The following BOD1L1 variants were observed in gnomAD, a reference collection of about 807,000 sequenced individuals.
BOD1L1 encodes the protein biorientation of chromosomes in cell division 1 like 1.
BOD1L1 carries 86 observed loss-of-function variants against 240.7 expected under a neutral mutation model. The observed-to-expected ratio is 0.36, with a 90% CI of 0.30 to 0.43. BOD1L1 has a LOEUF of 0.43. Ranked by LOEUF, BOD1L1 falls within the 20% of genes least tolerant of loss-of-function variation. The probability of loss-of-function intolerance (pLI) is 1.00; values close to 1 mark genes in which losing one functional copy is unlikely to be tolerated. For missense variants in BOD1L1, 3,554 were observed against 3,643.5 expected, an observed-to-expected ratio of 0.98 and a Z score of 0.63; for synonymous variants, 1,268 against 1,272.3, an observed-to-expected ratio of 1.00 and a Z score of 0.07.
intron 17 of BOD1L1, among the ~76,000 whole-genome samples, chr4:13,584,198 G>A (rs1713460275): frequency 6.6e-6 from 1 of 152,216 alleles, no homozygotes; most frequent in Non-Finnish European, 1.5e-5. Flanking sequence ...CAATTTGGGA[G>A]GGTGTTGATT....
At chr4:13,583,985 C>A (rs1192250392) in intron 17 of BOD1L1, among the ~76,000 whole-genome samples, 1 of 152,150 alleles carries the variant, frequency 6.6e-6, no homozygotes, top group Non-Finnish European at 1.5e-5. Context: ...GACAGTACTA[C>A]ATAACTAGGT....
chr4:13,598,484 A>G (rs1374375287), intron 10 of BOD1L1, among the ~76,000 whole-genome samples: 1 of 152,158 alleles, frequency 6.6e-6, no homozygotes, highest in Non-Finnish European at 1.5e-5. Flanking sequence ...TTCCTCTAAA[A>G]GTCACCCGAG....
In BOD1L1 at chr4:13,597,423, C is replaced by A. The variant is rs1404490427; in HGVS notation, c.7955-255G>T. On this transcript the variant is annotated intron_variant, in intron 10 of 25. Coordinates refer to ENST00000040738, the MANE Select transcript of BOD1L1 (RefSeq NM_148894.3). ...TAAGATAACTGCCCAGAAAGAATGA[C>A]AAAAGTATTATCTGTGGAGACATCT... 6.6e-6 allele frequency among the ~76,000 whole-genome samples: 1 copy of A among 152,166 alleles called. No homozygotes were observed. The highest frequency in any genetic ancestry group is 2.4e-5 in the African/African-American group (1 of 41,436).
At chr4:13,574,558 T>C (rs908058788) in intron 25 of BOD1L1, among the ~76,000 whole-genome samples, 1 of 152,230 alleles carries the variant, frequency 6.6e-6, no homozygotes. Flanking sequence ...CACTCGAAGA[T>C]GGCTAGAAGG....
At position 13,581,112 on chromosome 4, in the gene BOD1L1, A is replaced by C; in HGVS notation, c.8668+20T>G. ...TCGAAAATTTCTTGTGTGTGAACTG[A>C]AAACACACCAAGTACCTACTCATTT... On this transcript the variant is annotated intron_variant, in intron 20 of 25. Transcript: ENST00000040738. 6 of 1,569,918 alleles carry C rather than the reference A, an allele frequency of 3.8e-6. No homozygotes were observed. The highest frequency in any genetic ancestry group is 5.2e-6 in the Non-Finnish European group (6 of 1,155,852).
chr4:13,599,354 C>G lies in BOD1L1; in HGVS notation c.7546G>C (p.Ala2516Pro). The G allele has an allele frequency of 1.2e-6, 2 of 1,613,928 alleles. No homozygotes were observed. Among genetic ancestry groups the G allele is most frequent in the Non-Finnish European group, 1.7e-6 (2 of 1,179,878 alleles). Residue 2516 changes from alanine (A) to proline (P), a missense_variant, in exon 10 of 26, where the codon GCT becomes CCT. Physicochemically the swap from Ala to Pro is conservative, Grantham distance 27. Around this residue, in one of 2 missense-constraint regions of BOD1L1, gnomAD observed 3,393 missense variants for 3,427.1 expected, o/e 0.99. Transcript: ENST00000040738. ...CGAATGCTGACAGAGGGATCCTTAG[C>G]CGTCTGCCCAGACGTCTGTTCTGGT... ...RGPEQTSGQT[A>P]KDPSVSIRYL...
intron 25 of BOD1L1, among the ~76,000 whole-genome samples, chr4:13,574,697 A>G (rs1443405646): frequency 2.6e-5 from 4 of 152,204 alleles, no homozygotes; most frequent in African/African-American, 7.2e-5. Context: ...ACCCTCTCCT[A>G]GCAGCAGCAA....
At chr4:13,626,982 A>C (rs575891753) in intron 1 of BOD1L1, among the ~76,000 whole-genome samples, 1 of 152,354 alleles carries the variant, frequency 6.6e-6, no homozygotes, top group African/African-American at 2.4e-5. Context: ...TACCGCCCAG[A>C]AACCTTCAAG....
At position 13,601,230 on chromosome 4, in the gene BOD1L1, T is replaced by C; in HGVS notation, c.5670A>G (p.Gly1890=). 6.2e-7 allele frequency: 1 copy of C among 1,613,978 alleles called. No homozygotes were observed. Among genetic ancestry groups the C allele is most frequent in the Non-Finnish European group, 8.5e-7 (1 of 1,179,892 alleles). Residue 1890 remains glycine (G), a synonymous_variant, in exon 10 of 26, where the codon GGA becomes GGG. Coordinates refer to ENST00000040738, the MANE Select transcript of BOD1L1 (RefSeq NM_148894.3). Reference sequence around the variant, plus strand: ...AAATCAAGACCCCTTCACTTTCTTCTCCTAACCCTGTACAAGTTGAAGCAT... The same window carrying C: ...AAATCAAGACCCCTTCACTTTCTTCCCCTAACCCTGTACAAGTTGAAGCAT... ...IGHASTCTGL[G]EESEGVLICE...
intron 2 of BOD1L1, among the ~76,000 whole-genome samples, chr4:13,616,571 C>T (rs1716610256): frequency 6.6e-6 from 1 of 152,186 alleles, no homozygotes; most frequent in Non-Finnish European, 1.5e-5. Flanking sequence ...TCAAGGTAGT[C>T]AGGATAGTGC....
In BOD1L1 at chr4:13,602,426, G is replaced by A. The variant is rs1229728166; in HGVS notation, c.4474C>T (p.Pro1492Ser). Residue 1492 changes from proline to serine, a missense_variant, in exon 10 of 26, where the codon CCC becomes TCC. Coordinates refer to ENST00000040738, the MANE Select transcript of BOD1L1 (RefSeq NM_148894.3). ...CCGTTCCTTTGGTGTAAAACAGAGG[G>A]TGCAGAGCCACTTCCAGCACTGGTG... is the stretch of plus-strand genomic sequence containing the variant. ...VDTSAGSGSA[P>S]SVLHQRNGQT... 9 of 1,613,858 alleles carry A rather than the reference G, an allele frequency of 5.6e-6. No individual in the cohort carries two copies. In the Admixed American group the frequency reaches 1.3e-4, roughly 24 times the overall value.
chr4:13,627,318 G>A (rs1285027056), intron 1 of BOD1L1, 27 bp downstream of exon 1: 2 of 1,248,748 alleles, frequency 1.6e-6, no homozygotes, highest in South Asian at 3.5e-5. Context: ...TTCCCTCGCA[G>A]ACCCCCAAAC....
At chr4:13,611,139 A>C in intron 5 of BOD1L1, 39 bp from the exon 6 acceptor site, 2 of 1,459,816 alleles carry the variant, frequency 1.4e-6, no homozygotes, top group Non-Finnish European at 1.9e-6. Context: ...ATGTCTGTGA[A>C]TTAGCATAAA....
intron 1 of BOD1L1, among the ~76,000 whole-genome samples, chr4:13,623,153 T>C (rs911151702): frequency 1.3e-5 from 2 of 152,126 alleles, no homozygotes; most frequent in African/African-American, 4.8e-5. Context: ...CTTTTTTCCA[T>C]AGGACCTACC....
chr4:13,580,499 T>C (rs1049064643), intron 21 of BOD1L1, among the ~76,000 whole-genome samples: 4 of 152,204 alleles, frequency 2.6e-5, no homozygotes, highest in African/African-American at 9.6e-5. Context: ...CTTCTTGTAA[T>C]GTCCTCCTTA....
In BOD1L1 at chr4:13,581,006, T is replaced by C; in HGVS notation, c.8703+14A>G. On this transcript the variant is annotated intron_variant, in intron 21 of 25. Coordinates refer to ENST00000040738, the MANE Select transcript of BOD1L1 (RefSeq NM_148894.3). ...AGCAAGTATTTGAAATTGTCATGTT[T>C]TGCAATTACTTACAGTGACAATGCC... The C allele has an allele frequency of 6.4e-7, 1 of 1,570,122 alleles. No homozygotes were observed. The highest frequency in any genetic ancestry group is 8.6e-7 in the Non-Finnish European group (1 of 1,156,840).
chr4:13,610,819 G>C, intron 6 of BOD1L1, 115 bp downstream of exon 6: 1 of 838,892 alleles, frequency 1.2e-6, no homozygotes, highest in Non-Finnish European at 1.7e-6. Flanking sequence ...CAAGTTTCCT[G>C]AAGGCAAATC....
In BOD1L1 at chr4:13,627,652, A is replaced by C; in HGVS notation, c.-65T>G. On this transcript the variant is annotated 5_prime_UTR_variant, in exon 1 of 26. Transcript: ENST00000040738. ...GACGATCCTGGGAGGCGGCGGCTGC[A>C]CTGGTCCCGCCGCCTGAGGGAAGCC... 1 of 1,088,614 alleles carries C rather than the reference A, an allele frequency of 9.2e-7. No homozygotes were observed. The highest frequency in any genetic ancestry group is 1.1e-6 in the Non-Finnish European group (1 of 894,406). 67.4% of individuals were successfully genotyped at this position (1,088,614 alleles called of 1,614,324 possible).
At chr4:13,610,619 T>G (rs1028675890) in intron 6 of BOD1L1, among the ~76,000 whole-genome samples, 3 of 152,248 alleles carry the variant, frequency 2.0e-5, no homozygotes, top group Admixed American at 6.5e-5. Context: ...AGGAATTTCA[T>G]GTTTAGACTT....
Sources: gnomAD v4.1 joint callset for allele counts (sites outside exome capture counted in the v4.1 genomes callset) on GRCh38, gnomAD v4.1.1 for gene constraint, gnomAD v4.1.1 regional missense constraint, MANE v1.5 for transcripts, NCBI Gene and HGNC (gene_info 2026-07-23, HGNC 2026-07-21) for gene names.